Variants in AXDND1 observed in about 807,000 individuals in gnomAD.
The protein encoded by AXDND1 is axonemal dynein light chain domain containing 1.
Under a neutral mutation model 137.5 loss-of-function variants are expected in AXDND1, and 110 were observed. The observed-to-expected ratio is 0.80, with a 90% confidence interval of 0.69 to 0.94. The LOEUF (loss-of-function observed/expected upper bound fraction) is 0.94, where lower values mean the gene tolerates loss of function less well. AXDND1 is among the 40% of genes least tolerant of loss of function. The pLI, the probability that AXDND1 is intolerant of heterozygous loss-of-function variation, is 0.00. For missense variants in AXDND1, 1,191 were observed against 1,169.8 expected (o/e 1.02, Z -0.26); for synonymous variants, 414 against 399.7 (o/e 1.04, Z -0.43).
At chr1:179,489,902 G>A (rs1391897104) in intron 18 of AXDND1, among the ~76,000 whole-genome samples, 1 of 151,874 alleles carries the variant, frequency 6.6e-6, no homozygotes, top group Non-Finnish European at 1.5e-5. Context: ...CCACCACCCC[G>A]CCCGACTAAT....
chr1:179,394,242 A>G (rs572456636), intron 10 of AXDND1, among the ~76,000 whole-genome samples, 199 bp downstream of exon 10: 1 of 152,340 alleles, frequency 6.6e-6, no homozygotes, highest in Non-Finnish European at 1.5e-5. Context: ...AGTTCACATA[A>G]AAATGAAGAC....
At chr1:179,444,135 A>G (rs932835718) in intron 15 of AXDND1, among the ~76,000 whole-genome samples, 1 of 151,522 alleles carries the variant, frequency 6.6e-6, no homozygotes, top group Non-Finnish European at 1.5e-5. Flanking sequence ...TCTTCAATTT[A>G]GGAATAGTAA....
chr1:179,427,140 G>T (rs1356631012), intron 12 of AXDND1, among the ~76,000 whole-genome samples: 1 of 151,796 alleles, frequency 6.6e-6, no homozygotes, highest in Non-Finnish European at 1.5e-5. Flanking sequence ...CTCCAGCCTG[G>T]GCCATAGAGT....
At chr1:179,366,275 C>T (rs1667385668) in intron 1 of AXDND1, 129 bp from the exon 2 acceptor site, 1 of 384,952 alleles carries the variant, frequency 2.6e-6, no homozygotes, top group Non-Finnish European at 4.8e-6. Flanking sequence ...ACACATAACC[C>T]CAGAACATAG....
At chr1:179,511,189 C>T (rs1558287289) in intron 21 of AXDND1, among the ~76,000 whole-genome samples, 1 of 151,634 alleles carries the variant, frequency 6.6e-6, no homozygotes, top group Non-Finnish European at 1.5e-5. Context: ...AAAGTTTCTC[C>T]AGTCTCATCC....
At chr1:179,498,915 C>CAA (rs34684958) in intron 20 of AXDND1, among the ~76,000 whole-genome samples, 7 of 149,786 alleles carry the variant, frequency 4.7e-5, no homozygotes, top group African/African-American at 1.5e-4. Context: ...TATAAAAAGT[C>CAA]AAAAAAAAAC....
chr1:179,447,769 T>G, intron 16 of AXDND1: 2 of 1,342,708 alleles, frequency 1.5e-6, no homozygotes, highest in Non-Finnish European at 2.1e-6. Flanking sequence ...AGCTCTTGAG[T>G]TTACAAATTC....
Position 179,385,275 on chromosome 1 carries a change from C to G in AXDND1, c.779C>G (p.Thr260Ser), listed in dbSNP as rs1369207767. 1 of 1,611,642 alleles carries G rather than the reference C, an allele frequency of 6.2e-7. No individual in the cohort carries two copies. The highest frequency in any genetic ancestry group is 8.5e-7 in the Non-Finnish European group (1 of 1,177,846). The part of the protein sequence containing the change: ...KLLHILKKEQ[T>S]IYNMIFHELI... ...CTACATATATTGAAGAAGGAACAGA[C>G]CATTTACAACATGATATTTCATGAA... is the stretch of plus-strand genomic sequence containing the variant. The change falls in exon 9 of 26, where the codon ACC becomes AGC. Residue 260 changes from threonine to serine, a missense_variant. Physicochemically the swap from Thr to Ser is moderately conservative, Grantham distance 58. Coordinates refer to ENST00000367618, the MANE Select transcript of AXDND1 (RefSeq NM_144696.6).
chr1:179,429,658 G>A (rs762598065), intron 13 of AXDND1, 39 bp downstream of exon 13: 9 of 1,288,660 alleles, frequency 7.0e-6, no homozygotes, highest in Non-Finnish European at 9.6e-6. Flanking sequence ...AAAAAAAGAT[G>A]CCAAGTGGTG....
chr1:179,497,504 C>T (rs1302564371), intron 20 of AXDND1, among the ~76,000 whole-genome samples: 1 of 152,012 alleles, frequency 6.6e-6, no homozygotes, highest in Non-Finnish European at 1.5e-5. Flanking sequence ...AAGGAATATA[C>T]CTCAAAATAA....
At chr1:179,384,780 T>C (rs939543499) in intron 8 of AXDND1, among the ~76,000 whole-genome samples, 1 of 152,086 alleles carries the variant, frequency 6.6e-6, no homozygotes, top group Admixed American at 6.6e-5. Context: ...TTTTTTTTTT[T>C]TTTGAGACAA....
At chr1:179,516,364 A>AT (rs1384420585) in intron 21 of AXDND1, among the ~76,000 whole-genome samples, 3 of 151,650 alleles carry the variant, frequency 2.0e-5, no homozygotes, top group South Asian at 2.1e-4. Flanking sequence ...TTCTTGTATC[A>AT]TTTTTTTGGA....
chr1:179,443,982 A>G (rs1315393035), intron 15 of AXDND1, among the ~76,000 whole-genome samples: 1 of 152,062 alleles, frequency 6.6e-6, no homozygotes, highest in East Asian at 1.9e-4. Context: ...TTCTTTAGGA[A>G]TAACTTGAAC....
In AXDND1 at chr1:179,366,527, G is replaced by T. The variant is rs747922488; in HGVS notation, c.18G>T (p.Thr6=). The part of the protein sequence containing the change: MSLPK[T]PSTPLNSTST... ...TGTTTATTATGTCTCTCCCGAAAAC[G>T]CCCTCCACCCCGCTAAACTCTACAT... The change falls in exon 2 of 26, where the codon ACG becomes ACT. Residue 6 remains threonine, a synonymous_variant. Coordinates refer to ENST00000367618, the MANE Select transcript of AXDND1 (RefSeq NM_144696.6). 9.9e-6 allele frequency: 16 copies of T among 1,613,144 alleles called. No homozygotes were observed. The East Asian group carries it at 2.9e-4, about 29-fold the overall frequency.
At chr1:179,526,978 T>A (rs1670587579) in intron 22 of AXDND1, among the ~76,000 whole-genome samples, 1 of 152,186 alleles carries the variant, frequency 6.6e-6, no homozygotes, top group Non-Finnish European at 1.5e-5. Context: ...AGGAAAGGTG[T>A]CATGATTCAG....
At chr1:179,541,195 A>G (rs1383440279) in intron 25 of AXDND1, among the ~76,000 whole-genome samples, 1 of 152,170 alleles carries the variant, frequency 6.6e-6, no homozygotes, top group Non-Finnish European at 1.5e-5. Context: ...AAAGCATAGT[A>G]TTTTGGCAAG....
intron 17 of AXDND1, among the ~76,000 whole-genome samples, chr1:179,479,547 G>A (rs937608339): frequency 6.6e-6 from 1 of 151,712 alleles, no homozygotes; most frequent in Non-Finnish European, 1.5e-5. Context: ...GGAGGCTGAG[G>A]TGGGCGGATC....
chr1:179,510,238 C>T (rs1280631834), intron 21 of AXDND1, among the ~76,000 whole-genome samples: 2 of 152,098 alleles, frequency 1.3e-5, no homozygotes, highest in African/African-American at 4.8e-5. Context: ...ACCTGCTTAC[C>T]GAGAATCTCA....
intron 21 of AXDND1, among the ~76,000 whole-genome samples, chr1:179,523,207 T>C (rs903255857): frequency 1.4e-4 from 21 of 150,214 alleles, no homozygotes; most frequent in African/African-American, 4.9e-4. Flanking sequence ...ATTGTTTTCC[T>C]TGAGTATAGG....
Sources: gnomAD v4.1 joint callset for allele counts (sites outside exome capture counted in the v4.1 genomes callset) on GRCh38, gnomAD v4.1.1 for gene constraint, MANE v1.5 for transcripts, NCBI Gene and HGNC (gene_info 2026-07-23, HGNC 2026-07-21) for gene names.